The following FGD4 variants were observed in gnomAD, a reference collection of about 807,000 sequenced individuals.
FGD4 encodes the protein FYVE, RhoGEF and PH domain-containing protein 4.
Under a neutral mutation model 102.0 loss-of-function variants are expected in FGD4, and 42 were observed. The ratio of observed to expected loss-of-function variants is 0.41; its 90% confidence interval spans 0.32 to 0.53. FGD4 has a LOEUF of 0.53. Among genes scored for constraint, FGD4 ranks in the 20% least tolerant of loss-of-function variants. The pLI is 0.21. For missense variants in FGD4, 902 were observed against 1,078.2 expected, an observed-to-expected ratio of 0.84 and a Z score of 2.29; for synonymous variants, 380 against 375.7, an observed-to-expected ratio of 1.01 and a Z score of -0.13.
intron 1 of FGD4, among the ~76,000 whole-genome samples, chr12:32,404,958 G>T (rs925522978): frequency 7.2e-5 from 11 of 151,924 alleles, no homozygotes; most frequent in Non-Finnish European, 1.3e-4. Context: ...TTTTGAGACG[G>T]AGTCTGGCTC....
chr12:32,595,131 A>G (rs973426685), intron 4 of FGD4, among the ~76,000 whole-genome samples: 1 of 151,864 alleles, frequency 6.6e-6, no homozygotes, highest in African/African-American at 2.4e-5. Flanking sequence ...ATATTCCTGT[A>G]TCTTCCTCTG....
intron 1 of FGD4, among the ~76,000 whole-genome samples, chr12:32,456,468 A>G (rs79925284): frequency 0.038 from 5,801 of 152,106 alleles, 173 homozygotes; most frequent in South Asian, 0.12. Flanking sequence ...AAAGGATACT[A>G]CCCCTTGGTT....
At chr12:32,550,971 A>G (rs1336567412) in intron 1 of FGD4, among the ~76,000 whole-genome samples, 2 of 152,144 alleles carry the variant, frequency 1.3e-5, no homozygotes, top group Non-Finnish European at 2.9e-5. Context: ...TCCTGTTACC[A>G]TCTTTGTTGA....
intron 7 of FGD4, among the ~76,000 whole-genome samples, chr12:32,606,784 T>C (rs1054276229): frequency 6.6e-6 from 1 of 152,228 alleles, no homozygotes; most frequent in Non-Finnish European, 1.5e-5. Context: ...ACATTTCTTA[T>C]TTTTTCATCT....
intron 1 of FGD4, among the ~76,000 whole-genome samples, chr12:32,411,109 A>T (rs929589155): frequency 4.0e-5 from 6 of 148,538 alleles, no homozygotes; most frequent in Non-Finnish European, 8.9e-5. Context: ...TTGTATTTTT[A>T]GTAGAGACGG....
chr12:32,499,928 G>T (rs1396941267), intron 1 of FGD4, among the ~76,000 whole-genome samples: 1 of 152,248 alleles, frequency 6.6e-6, no homozygotes, highest in African/African-American at 2.4e-5. Flanking sequence ...TGAGGCAGGA[G>T]GATTGCTTGA....
chr12:32,562,524 A>G lies in FGD4; in HGVS notation c.167-1613A>G, dbSNP rs1349391045. Among the ~76,000 whole-genome samples, 3 of 152,256 alleles carry G rather than the reference A, an allele frequency of 2.0e-5. No homozygotes were observed. The East Asian group carries it at 5.8e-4, about 29-fold the overall frequency. On this transcript the variant is annotated intron_variant, in intron 1 of 16. Transcript: ENST00000534526. ...AGGTCAGCAGATAAACAAGTGAACA[A>G]AGGTCTCTGGTTTTCCTAGGCAGAG... is the stretch of plus-strand genomic sequence containing the variant.
At chr12:32,448,069 A>G (rs1942671071) in intron 1 of FGD4, among the ~76,000 whole-genome samples, 2 of 152,228 alleles carry the variant, frequency 1.3e-5, no homozygotes, top group Admixed American at 1.3e-4. Context: ...AATAGATTTG[A>G]ATGTCTGATC....
At chr12:32,603,710 T>A (rs552840056) in intron 7 of FGD4, among the ~76,000 whole-genome samples, 1,735 of 152,080 alleles carry the variant, frequency 0.011, 39 homozygotes, top group African/African-American at 0.039. Flanking sequence ...TTTATTATTT[T>A]TTTTTTTTAG....
intron 1 of FGD4, among the ~76,000 whole-genome samples, chr12:32,525,859 G>A (rs1325739982): frequency 1.3e-5 from 2 of 152,222 alleles, no homozygotes; most frequent in Non-Finnish European, 2.9e-5. Context: ...CAGCACTGCT[G>A]GCCCACCGGT....
At chr12:32,493,991 G>A (rs1206178041) in intron 1 of FGD4, among the ~76,000 whole-genome samples, 1 of 152,168 alleles carries the variant, frequency 6.6e-6, no homozygotes, top group Non-Finnish European at 1.5e-5. Flanking sequence ...TTAGGTAGAG[G>A]GAACTGCAGA....
rs1256329734 is a variant in FGD4 at position 32,453,243 on chromosome 12, T to A, written c.166+53284T>A. Among the ~76,000 whole-genome samples the A allele has an allele frequency of 5.3e-3, 574 of 109,130 alleles. 4 individuals carry two copies. The highest frequency in any genetic ancestry group is 0.014 in the South Asian group (43 of 3,084). The allele number at this position is 109,130 out of a possible 152,430, so 71.6% of individuals were successfully genotyped here. The stretch of plus-strand genomic sequence containing the variant: ...ATAATATAGATATATATATATTTTT[T>A]TTTTTTTAAATGTAGAGCCTCACTC... On this transcript the variant is annotated intron_variant, in intron 1 of 16. Transcript: ENST00000534526.
At chr12:32,488,679 G>A (rs980726471) in intron 1 of FGD4, among the ~76,000 whole-genome samples, 2 of 152,152 alleles carry the variant, frequency 1.3e-5, no homozygotes, top group Non-Finnish European at 2.9e-5. Context: ...GGTGGCTCAC[G>A]CCTGTAATCC....
At chr12:32,586,316 A>G (rs1253701385) in intron 4 of FGD4, among the ~76,000 whole-genome samples, 1 of 152,228 alleles carries the variant, frequency 6.6e-6, no homozygotes, top group African/African-American at 2.4e-5. Context: ...AAAATTGGCA[A>G]AGCACAGAAA....
At chr12:32,546,456 GT>G (rs1943228869) in intron 1 of FGD4, among the ~76,000 whole-genome samples, 1 of 152,248 alleles carries the variant, frequency 6.6e-6, no homozygotes, top group Admixed American at 6.5e-5. Context: ...TAAAAGCCCT[GT>G]TGTGACTCGT....
intron 1 of FGD4, among the ~76,000 whole-genome samples, chr12:32,431,763 A>G (rs184682524): frequency 3.0e-4 from 45 of 151,454 alleles, no homozygotes; most frequent in African/African-American, 1.1e-3. Flanking sequence ...ACAGAGCAAG[A>G]TTCTGTCTTA....
intron 1 of FGD4, among the ~76,000 whole-genome samples, chr12:32,448,723 G>GC (rs976668625): frequency 3.2e-4 from 32 of 99,114 alleles, no homozygotes; most frequent in Non-Finnish European, 5.4e-4. Context: ...GTGTTTAGCA[G>GC]GGGGAAGGAA....
chr12:32,416,745 C>T (rs1165341176), intron 1 of FGD4, among the ~76,000 whole-genome samples: 1 of 152,048 alleles, frequency 6.6e-6, no homozygotes, highest in Non-Finnish European at 1.5e-5. Context: ...GTTATTATTT[C>T]TGATGGGTTC....
intron 4 of FGD4, among the ~76,000 whole-genome samples, chr12:32,592,521 A>G (rs1947568414): frequency 6.6e-6 from 1 of 152,110 alleles, no homozygotes; most frequent in Non-Finnish European, 1.5e-5. Context: ...GTAAAGCGCT[A>G]AGCACAAGTA....
Sources: allele counts gnomAD v4.1 joint callset (sites outside exome capture counted in the v4.1 genomes callset), GRCh38; gene constraint gnomAD v4.1.1; transcripts MANE v1.5; gene names NCBI Gene and HGNC (gene_info 2026-07-23, HGNC 2026-07-21).